Variants in GRIP1 observed in about 807,000 individuals in gnomAD.
GRIP1 encodes the protein glutamate receptor interacting protein 1, also known as glutamate receptor-interacting protein 1.
A neutral mutation model predicts 129.9 loss-of-function variants in GRIP1; 45 were observed. That is an observed-to-expected ratio of 0.35 (90% CI 0.27 to 0.44). The LOEUF is 0.44. Among genes scored for constraint, GRIP1 ranks in the 20% least tolerant of loss-of-function variants. The probability of loss-of-function intolerance (pLI) is 1.00; values close to 1 mark genes in which losing one functional copy is unlikely to be tolerated. For missense variants in GRIP1, 1,196 were observed against 1,396.8 expected (o/e 0.86, Z 2.29); for synonymous variants, 530 against 520.8 (o/e 1.02, Z -0.24).
At chr12:66,690,015 CT>C (rs1317600269) in intron 1 of GRIP1, among the ~76,000 whole-genome samples, 1 of 152,018 alleles carries the variant, frequency 6.6e-6, no homozygotes. Context: ...GCCTCCAGGG[CT>C]CAGACAATTC....
intron 1 of GRIP1, among the ~76,000 whole-genome samples, chr12:66,674,108 G>C (rs190253314): frequency 6.6e-6 from 1 of 152,106 alleles, no homozygotes; most frequent in East Asian, 1.9e-4. Flanking sequence ...GCCAGCGAGG[G>C]TTAGCAGAAT....
chr12:66,968,379 C>CT (rs150371660), intron 1 of GRIP1, among the ~76,000 whole-genome samples: 41,376 of 151,882 alleles, frequency 0.27, 5,611 homozygotes, highest in Middle Eastern at 0.35. Context: ...TTGCCTACGA[C>CT]TCTAGGTTTC....
intron 7 of GRIP1, among the ~76,000 whole-genome samples, chr12:66,479,149 T>A (rs937835931): frequency 6.7e-6 from 1 of 148,980 alleles, no homozygotes; most frequent in Non-Finnish European, 1.5e-5. Context: ...TTGTAAAGAT[T>A]AACAAAATAG....
intron 1 of GRIP1, among the ~76,000 whole-genome samples, chr12:66,860,029 C>T (rs2040084161): frequency 6.6e-6 from 1 of 152,068 alleles, no homozygotes; most frequent in Non-Finnish European, 1.5e-5. Flanking sequence ...TGATCATCAC[C>T]TTCAGTCAGG....
At chr12:66,383,797 T>C (rs73331071) in intron 19 of GRIP1, among the ~76,000 whole-genome samples, 3,189 of 152,328 alleles carry the variant, frequency 0.021, 117 homozygotes, top group African/African-American at 0.071. Context: ...TTGCTCAGAC[T>C]AAAACTATAC....
chr12:66,548,403 T>C (rs2062013987), intron 2 of GRIP1, among the ~76,000 whole-genome samples: 1 of 152,230 alleles, frequency 6.6e-6, no homozygotes, highest in Non-Finnish European at 1.5e-5. Flanking sequence ...TGAAAGCCAT[T>C]ACTGGCCTGC....
At chr12:66,656,245 C>T (rs992694112) in intron 1 of GRIP1, among the ~76,000 whole-genome samples, 1 of 152,250 alleles carries the variant, frequency 6.6e-6, no homozygotes, top group East Asian at 1.9e-4. Context: ...AGCTTGGAAA[C>T]TGGCAGCCAC....
At chr12:66,730,625 T>G (rs545407261) in intron 1 of GRIP1, among the ~76,000 whole-genome samples, 1 of 147,614 alleles carries the variant, frequency 6.8e-6, no homozygotes, top group East Asian at 2.0e-4. Context: ...TAACCTAAAA[T>G]ATACTTGCTC....
chr12:66,496,337 A>G (rs2060238814), intron 7 of GRIP1, among the ~76,000 whole-genome samples: 1 of 152,194 alleles, frequency 6.6e-6, no homozygotes, highest in Non-Finnish European at 1.5e-5. Flanking sequence ...AAAGACCCAC[A>G]GAACACCCAG....
chr12:66,815,431 G>C (rs2039188506), intron 1 of GRIP1, among the ~76,000 whole-genome samples: 1 of 152,092 alleles, frequency 6.6e-6, no homozygotes, highest in Non-Finnish European at 1.5e-5. Flanking sequence ...GACTCTATTA[G>C]TTTGGATACT....
At chr12:67,016,185 G>GT (rs1462988419) in intron 1 of GRIP1, among the ~76,000 whole-genome samples, 3 of 152,152 alleles carry the variant, frequency 2.0e-5, no homozygotes, top group Non-Finnish European at 4.4e-5. Flanking sequence ...TGTGTAAAAT[G>GT]TAAGAAATAA....
At chr12:66,804,302 C>A (rs1350216999), upstream of GRIP1, 2 of 278,842 alleles carry the variant, frequency 7.2e-6, no homozygotes, top group African/African-American at 4.6e-5. Context: ...GGACAGCTAC[C>A]CTTCTATCTA....
At chr12:67,066,377 A>G (rs1296046644) in intron 1 of GRIP1, among the ~76,000 whole-genome samples, 4 of 152,204 alleles carry the variant, frequency 2.6e-5, no homozygotes, top group Non-Finnish European at 5.9e-5. Flanking sequence ...AGAAGCTAGC[A>G]TCTTGTATTA....
At chr12:66,756,164 T>C (rs77280528) in intron 1 of GRIP1, among the ~76,000 whole-genome samples, 1 of 152,256 alleles carries the variant, frequency 6.6e-6, no homozygotes, top group East Asian at 1.9e-4. Context: ...TGAAACCCCA[T>C]GCCCACTGAG....
intron 7 of GRIP1, among the ~76,000 whole-genome samples, chr12:66,497,990 T>G (rs1251471846): frequency 6.6e-6 from 1 of 152,096 alleles, no homozygotes; most frequent in Non-Finnish European, 1.5e-5. Flanking sequence ...TGGCTCATCC[T>G]GGCTCAAAAA....
At position 66,470,810 on chromosome 12, in the gene GRIP1, G is replaced by A. The variant is rs138524383; in HGVS notation, c.725-5388C>T. Among the ~76,000 whole-genome samples, 801 of 152,274 alleles carry A rather than the reference G, an allele frequency of 5.3e-3. 14 individuals are homozygous for A. The highest frequency in any genetic ancestry group is 3.3e-3 in the South Asian group (16 of 4,822). On this transcript the variant is annotated intron_variant, in intron 7 of 24. Coordinates refer to ENST00000359742, the MANE Select transcript of GRIP1 (RefSeq NM_001366722.1). The stretch of plus-strand genomic sequence containing the variant: ...TAGGGAAACTACAAGGGATGATACC[G>A]TACTCTGGGGGCAGAAATAATAGGG...
intron 1 of GRIP1, among the ~76,000 whole-genome samples, chr12:66,709,478 A>T (rs2035642798): frequency 6.6e-6 from 1 of 151,902 alleles, no homozygotes; most frequent in Non-Finnish European, 1.5e-5. Flanking sequence ...AGCTGGCAAG[A>T]GGTTGTGAAG....
chr12:66,734,763 G>A (rs187167272), intron 1 of GRIP1, among the ~76,000 whole-genome samples: 2 of 152,282 alleles, frequency 1.3e-5, no homozygotes, highest in Admixed American at 1.3e-4. Context: ...ATGGTAGGAA[G>A]AGTGTTATAA....
At chr12:66,824,320 T>C (rs1456624336) in intron 1 of GRIP1, among the ~76,000 whole-genome samples, 2 of 152,184 alleles carry the variant, frequency 1.3e-5, no homozygotes, top group Admixed American at 6.6e-5. Context: ...AATAAAGACA[T>C]AGCCTGTGCT....
Sources: allele counts gnomAD v4.1 joint callset (sites outside exome capture counted in the v4.1 genomes callset), GRCh38; gene constraint gnomAD v4.1.1; transcripts MANE v1.5; gene names NCBI Gene and HGNC (gene_info 2026-07-23, HGNC 2026-07-21).